The following LPAR1 variants were observed in gnomAD, a reference collection of about 807,000 sequenced individuals.
The protein encoded by LPAR1 is LPA receptor 1.
A neutral mutation model predicts 23.8 loss-of-function variants in LPAR1; 5 were observed. The observed-to-expected ratio is 0.21, with a 90% CI of 0.11 to 0.44. The LOEUF (loss-of-function observed/expected upper bound fraction) is 0.44. Ranked by LOEUF, LPAR1 falls within the 20% of genes least tolerant of loss-of-function variation. The probability of loss-of-function intolerance (pLI) is 0.99; values close to 1 mark genes in which losing one functional copy is unlikely to be tolerated. For missense variants in LPAR1, 311 were observed against 482.8 expected (o/e 0.64, Z 3.33); for synonymous variants, 160 against 164.7 (o/e 0.97, Z 0.22).
chr9:110,989,799 A>C (rs898576109), intron 2 of LPAR1, among the ~76,000 whole-genome samples: 10 of 152,128 alleles, frequency 6.6e-5, no homozygotes, highest in Non-Finnish European at 1.5e-5. Context: ...TAAAAGGCAT[A>C]GATTATGAGA....
chr9:110,973,900 G>A (rs1175874414), intron 2 of LPAR1, among the ~76,000 whole-genome samples: 2 of 152,172 alleles, frequency 1.3e-5, no homozygotes, highest in East Asian at 3.8e-4. Context: ...GCTGGGCACA[G>A]CAGCTCAGGC....
chr9:111,022,496 T>TA (rs912404227), intron 2 of LPAR1, among the ~76,000 whole-genome samples: 13 of 151,406 alleles, frequency 8.6e-5, no homozygotes, highest in Middle Eastern at 3.2e-3. Flanking sequence ...CCTACCAAGG[T>TA]AAAAAAAACA....
chr9:110,990,011 T>TA lies in LPAR1; in HGVS notation c.-181-16454dup, dbSNP rs536549033. ...GAGCAAAACATATTAGCAGGGATTT[T>TA]AAAAAAAAAGGTTATTTCATAATGA... On this transcript the variant is annotated intron_variant, in intron 2 of 5. Transcript: ENST00000683809. Among the ~76,000 whole-genome samples, 1,066 of 151,172 alleles carry TA rather than the reference T, an allele frequency of 7.1e-3. 11 individuals are homozygous for TA. The highest frequency in any genetic ancestry group is 0.02 in the African/African-American group (843 of 41,294).
At chr9:110,907,287 A>G (rs2091482503) in intron 5 of LPAR1, among the ~76,000 whole-genome samples, 1 of 152,132 alleles carries the variant, frequency 6.6e-6, no homozygotes, top group Non-Finnish European at 1.5e-5. Flanking sequence ...ACCTAGAATG[A>G]CTCACTGGAG....
intron 4 of LPAR1, among the ~76,000 whole-genome samples, chr9:110,969,625 T>C (rs539087596): frequency 1.3e-5 from 2 of 151,686 alleles, no homozygotes; most frequent in Admixed American, 6.6e-5. Context: ...GGCAGGAGAA[T>C]TGCTGGAACC....
chr9:111,016,255 T>C (rs2097442925), intron 2 of LPAR1, among the ~76,000 whole-genome samples: 1 of 152,024 alleles, frequency 6.6e-6, no homozygotes, highest in South Asian at 2.1e-4. Context: ...TACCAGCAAA[T>C]GTCACAAGCA....
At chr9:110,948,869 C>G (rs1334762193) in intron 4 of LPAR1, among the ~76,000 whole-genome samples, 1 of 150,522 alleles carries the variant, frequency 6.6e-6, no homozygotes, top group Non-Finnish European at 1.5e-5. Context: ...ACCCACCAAG[C>G]TAGCAGTCTC....
intron 2 of LPAR1, among the ~76,000 whole-genome samples, chr9:111,023,647 G>A (rs2097612777): frequency 6.6e-6 from 1 of 151,978 alleles, no homozygotes; most frequent in Non-Finnish European, 1.5e-5. Flanking sequence ...TTAACAAATG[G>A]ATGTTGAAAA....
intron 2 of LPAR1, among the ~76,000 whole-genome samples, chr9:111,016,147 A>G (rs1435196042): frequency 6.6e-6 from 1 of 152,118 alleles, no homozygotes; most frequent in East Asian, 1.9e-4. Flanking sequence ...CAGCCTTTCA[A>G]TGAAGCCTTT....
At chr9:110,908,452 T>A (rs1361913227) in intron 5 of LPAR1, among the ~76,000 whole-genome samples, 2 of 151,988 alleles carry the variant, frequency 1.3e-5, no homozygotes, top group Non-Finnish European at 2.9e-5. Flanking sequence ...AGAAAATTAA[T>A]ACTGAAATTA....
At chr9:110,915,312 A>C (rs2092956994) in intron 5 of LPAR1, among the ~76,000 whole-genome samples, 1 of 152,168 alleles carries the variant, frequency 6.6e-6, no homozygotes, top group South Asian at 2.1e-4. Flanking sequence ...TGAGGCAGGC[A>C]GATCACTGGA....
intron 5 of LPAR1, among the ~76,000 whole-genome samples, chr9:110,925,144 C>G (rs2093916565): frequency 6.6e-6 from 1 of 152,084 alleles, no homozygotes; most frequent in Non-Finnish European, 1.5e-5. Flanking sequence ...TTGCAGTGCT[C>G]TTTATGGCAC....
At chr9:110,976,524 C>A (rs1383825568) in intron 2 of LPAR1, among the ~76,000 whole-genome samples, 1 of 151,942 alleles carries the variant, frequency 6.6e-6, no homozygotes, top group African/African-American at 2.4e-5. Flanking sequence ...TGAACTCTTC[C>A]AAGTACTTGG....
At chr9:110,882,117 C>T (rs1315206511) in intron 5 of LPAR1, among the ~76,000 whole-genome samples, 2 of 152,204 alleles carry the variant, frequency 1.3e-5, no homozygotes, top group African/African-American at 4.8e-5. Flanking sequence ...CCACCATCAC[C>T]ACATTCTCCC....
At chr9:110,910,068 A>G (rs896966223) in intron 5 of LPAR1, among the ~76,000 whole-genome samples, 26 of 152,116 alleles carry the variant, frequency 1.7e-4, no homozygotes, top group Admixed American at 9.8e-4. Context: ...TTTTTAGAGC[A>G]GGTTAGTTTC....
intron 4 of LPAR1, among the ~76,000 whole-genome samples, chr9:110,954,788 T>G (rs375454026): frequency 2.6e-5 from 4 of 152,214 alleles, no homozygotes; most frequent in Non-Finnish European, 5.9e-5. Context: ...GAATAAATAA[T>G]GTATTTCCCA....
chr9:110,900,438 C>T (rs2088404094), intron 5 of LPAR1, among the ~76,000 whole-genome samples: 1 of 152,186 alleles, frequency 6.6e-6, no homozygotes, highest in Admixed American at 6.5e-5. Context: ...ATAAAAATTA[C>T]ATTTGTAAAT....
At chr9:110,942,884 C>T (rs1443616484) in intron 4 of LPAR1, among the ~76,000 whole-genome samples, 2 of 151,946 alleles carry the variant, frequency 1.3e-5, no homozygotes, top group Admixed American at 6.6e-5. Context: ...GACCCTTTGA[C>T]AATGTTCTAC....
intron 5 of LPAR1, among the ~76,000 whole-genome samples, chr9:110,883,010 G>A (rs1475692254): frequency 6.6e-6 from 1 of 152,058 alleles, no homozygotes; most frequent in Non-Finnish European, 1.5e-5. Flanking sequence ...TTGTTTGGGG[G>A]CTACTGTAGA....
Sources: allele counts gnomAD v4.1 joint callset (sites outside exome capture counted in the v4.1 genomes callset), GRCh38; gene constraint gnomAD v4.1.1; transcripts MANE v1.5; gene names NCBI Gene and HGNC (gene_info 2026-07-23, HGNC 2026-07-21).